CNOT1: variants seen among roughly 807,000 people sequenced by gnomAD.
The protein encoded by CNOT1 is CCR4-NOT transcription complex subunit 1, also known as CCR4-associated factor 1.
A neutral mutation model predicts 273.8 loss-of-function variants in CNOT1; 15 were observed. That is an observed-to-expected ratio of 0.05 (90% CI 0.04 to 0.08). The LOEUF is 0.08. Among genes scored for constraint, CNOT1 ranks in the 10% least tolerant of loss-of-function variants. The pLI, the probability that CNOT1 is intolerant of heterozygous loss-of-function variation, is 1.00. For synonymous variants in CNOT1, 1,022 were observed against 1,005.5 expected, an observed-to-expected ratio of 1.02 and a Z score of -0.31; for missense variants, 1,644 against 2,912.2, an observed-to-expected ratio of 0.56 and a Z score of 10.02.
Position 58,543,616 on chromosome 16 carries a change from T to C in CNOT1, c.4425A>G (p.Ser1475=). The C allele has an allele frequency of 6.2e-7, 1 of 1,614,208 alleles. No homozygotes were observed. The highest frequency in any genetic ancestry group is 1.7e-5 in the Admixed American group (1 of 60,028). Residue 1475 remains serine, a synonymous_variant, in exon 31 of 49, where the codon TCA becomes TCG. Transcript: ENST00000317147. ...ISTNLKNSFA[S]ALRTASPQQR... Reference sequence around the variant, plus strand: ...GAAATAGCCAACTTACACGAAGGGCTGAGGCAAAACTGTTTTTTAAGTTGG... The same window carrying C: ...GAAATAGCCAACTTACACGAAGGGCCGAGGCAAAACTGTTTTTTAAGTTGG...
chr16:58,554,345 C>T (rs748399941), intron 21 of CNOT1, among the ~76,000 whole-genome samples: 1 of 152,108 alleles, frequency 6.6e-6, no homozygotes, highest in Non-Finnish European at 1.5e-5. Context: ...GGACTAACTA[C>T]AAAGGGGAAC....
In CNOT1 at chr16:58,596,203, A is replaced by G. The variant is rs189261420; in HGVS notation, c.102+3033T>C. Among the ~76,000 whole-genome samples the G allele has an allele frequency of 3.5e-4, 54 of 152,312 alleles. No individual in the cohort carries two copies. The East Asian group carries it at 8.9e-3, about 25-fold the overall frequency. The stretch of plus-strand genomic sequence containing the variant: ...GCTGAAGGAGCAATCTAGCAGTGCC[A>G]TCAGACCCCTGCACACTACAGAGCA... On this transcript the variant is annotated intron_variant, in intron 2 of 48. Transcript: ENST00000317147.
chr16:58,534,398 A>G lies in CNOT1; in HGVS notation c.5647-3T>C. 1 of 1,611,886 alleles carries G rather than the reference A, an allele frequency of 6.2e-7. No homozygotes were observed. Among genetic ancestry groups the G allele is most frequent in the Admixed American group, 1.7e-5 (1 of 59,968 alleles). On this transcript the variant is annotated splice_polypyrimidine_tract_variant and splice_region_variant and intron_variant, in intron 39 of 48. Coordinates refer to ENST00000317147, the MANE Select transcript of CNOT1 (RefSeq NM_016284.5). ...TTCAGTATTCCTTGCTGGTGCATCT[A>G]CAACAGGAACAAAAAATAAAGACAC...
intron 1 of CNOT1, among the ~76,000 whole-genome samples, chr16:58,620,892 A>T (rs1303543644): frequency 6.6e-6 from 1 of 152,188 alleles, no homozygotes; most frequent in Non-Finnish European, 1.5e-5. Flanking sequence ...AATCTTTTAC[A>T]ATCACAATAT....
At position 58,530,108 on chromosome 16, in the gene CNOT1, A is replaced by G. The variant is rs1310195876; in HGVS notation, c.6279+138T>C. ...CAATTTGGGTGCTAGTTATGCAAGT[A>G]CACTTGATTTTTACACTTTTCTGAA... On this transcript the variant is annotated intron_variant, in intron 43 of 48. Transcript: ENST00000317147. The G allele has an allele frequency of 5.0e-6, 3 of 601,998 alleles. No homozygotes were observed. In the East Asian group the frequency reaches 8.4e-5, roughly 17 times the overall value. The allele number at this position is 601,998 out of a possible 1,614,324, so 37.3% of individuals were successfully genotyped here. A position where few individuals can be genotyped will look rare whatever the true frequency, so the allele number is the denominator to read the frequency against.
chr16:58,524,869 AAAC>A (rs2039532699), intron 46 of CNOT1, among the ~76,000 whole-genome samples: 4 of 152,336 alleles, frequency 2.6e-5, no homozygotes, highest in South Asian at 4.1e-4. Flanking sequence ...CAGCCTAACA[AAAC>A]AATGTAACAA....
chr16:58,535,265 T>C (rs2151908497), intron 39 of CNOT1, among the ~76,000 whole-genome samples: 1 of 152,236 alleles, frequency 6.6e-6, no homozygotes, highest in East Asian at 1.9e-4. Flanking sequence ...ACAACTGAAC[T>C]GGTTGGACTA....
At chr16:58,529,715 C>CCTG (rs2039711297) in intron 43 of CNOT1, among the ~76,000 whole-genome samples, 1 of 151,870 alleles carries the variant, frequency 6.6e-6, no homozygotes, top group Non-Finnish European at 1.5e-5. Context: ...GTGGCACATG[C>CCTG]CTGTAGTCTC....
intron 1 of CNOT1, among the ~76,000 whole-genome samples, chr16:58,604,802 A>C (rs1159209167): frequency 5.2e-5 from 7 of 134,290 alleles, no homozygotes; most frequent in East Asian, 2.1e-4. Context: ...CGTCTAAAAA[A>C]AAAAAACAAA....
chr16:58,585,408 C>A lies in CNOT1; in HGVS notation c.736G>T (p.Val246Leu), dbSNP rs146540913. 6.9e-5 allele frequency: 111 copies of A among 1,613,870 alleles called. No individual in the cohort carries two copies. The East Asian group carries it at 2.0e-3, about 29-fold the overall frequency. Residue 246 changes from valine (V) to leucine (L), a missense_variant, in exon 8 of 49, where the codon GTA becomes TTA. Physicochemically the swap from Val to Leu is conservative, Grantham distance 32. Coordinates refer to ENST00000317147, the MANE Select transcript of CNOT1 (RefSeq NM_016284.5). ...GAGCTCTCCATCATGGTTTTAGCTA[C>A]CCCTCCGGAATCAGGCAGGATCCTG... ...MDRILPDSGG[V>L]AKTMMESSLA...
intron 22 of CNOT1, among the ~76,000 whole-genome samples, chr16:58,552,055 C>T (rs2040467583): frequency 6.6e-6 from 1 of 152,052 alleles, no homozygotes; most frequent in Non-Finnish European, 1.5e-5. Flanking sequence ...GAAGCAGCCC[C>T]AGATACCTGC....
rs760612638 is a variant in CNOT1, at chr16:58,528,523, G to A, written c.6405C>T (p.Ala2135=). The change falls in exon 44 of 49, where the codon GCC becomes GCT. Residue 2135 remains alanine (A), a synonymous_variant. Transcript: ENST00000317147. Reference sequence around the variant, plus strand: ...CGGGGAGCCTCATGTTTCTTGGAAAGGCACTCAGGATCAAATTTCTTAACT... The same window carrying A: ...CGGGGAGCCTCATGTTTCTTGGAAAAGCACTCAGGATCAAATTTCTTAACT... The part of the protein sequence containing the change: ...CIQLRNLILS[A]FPRNMRLPDP... The A allele has an allele frequency of 9.3e-6, 15 of 1,613,608 alleles. No homozygotes were observed. The highest frequency in any genetic ancestry group is 3.3e-5 in the Admixed American group (2 of 59,988).
At chr16:58,590,862 A>G (rs2042028507) in intron 2 of CNOT1, among the ~76,000 whole-genome samples, 2 of 152,246 alleles carry the variant, frequency 1.3e-5, no homozygotes, top group Non-Finnish European at 2.9e-5. Context: ...TTCAACCTAC[A>G]CTTGCTGAGT....
intron 2 of CNOT1, chr16:58,597,661 G>A: frequency 6.2e-6 from 3 of 482,160 alleles, no homozygotes; most frequent in South Asian, 4.7e-5. Flanking sequence ...AGGAAAGTCT[G>A]CAGGAACCAT....
Position 58,534,564 on chromosome 16 carries a change from C to T in CNOT1, c.5647-169G>A, listed in dbSNP as rs545218246. On this transcript the variant is annotated intron_variant, in intron 39 of 48. Coordinates refer to ENST00000317147, the MANE Select transcript of CNOT1 (RefSeq NM_016284.5). ...TCAGAATTATTTTCCCATTAAGGTG[C>T]CATGACAGAATTCCTCCAGTTTTAA... Among the ~76,000 whole-genome samples, 3 of 152,214 alleles carry T rather than the reference C, an allele frequency of 2.0e-5. No individual in the cohort carries two copies. In the East Asian group the frequency reaches 5.8e-4, roughly 29 times the overall value.
At chr16:58,608,361 C>A (rs2042763107) in intron 1 of CNOT1, among the ~76,000 whole-genome samples, 1 of 151,730 alleles carries the variant, frequency 6.6e-6, no homozygotes, top group Admixed American at 6.6e-5. Context: ...TCGAGACACC[C>A]TGGCCAACAT....
At chr16:58,548,140 T>C (rs971119244) in intron 25 of CNOT1, among the ~76,000 whole-genome samples, 1 of 152,194 alleles carries the variant, frequency 6.6e-6, no homozygotes, top group African/African-American at 2.4e-5. Context: ...TAGCCTCCTA[T>C]TGCAATCTTC....
chr16:58,588,066 A>G (rs1597526081), intron 3 of CNOT1, among the ~76,000 whole-genome samples, 188 bp from the exon 4 acceptor site: 1 of 152,218 alleles, frequency 6.6e-6, no homozygotes, highest in Non-Finnish European at 1.5e-5. Context: ...TGAGAGGCCA[A>G]TGCAGGTGGA....
At position 58,556,767 on chromosome 16, in the gene CNOT1, C is replaced by A. The variant is rs925940755; in HGVS notation, c.2479+80G>T. The A allele has an allele frequency of 3.9e-6, 6 of 1,543,676 alleles. No homozygotes were observed. In the South Asian group the frequency reaches 7.6e-5, roughly 20 times the overall value. On this transcript the variant is annotated intron_variant, in intron 19 of 48. Transcript: ENST00000317147. ...GTCTAGGAGGCACATCAACACATGGCCCTACTAACACAAATGAGACATACA... is the reference window on the plus strand; with the variant it reads ...GTCTAGGAGGCACATCAACACATGGACCTACTAACACAAATGAGACATACA...
Sources: gnomAD v4.1 joint callset for allele counts (sites outside exome capture counted in the v4.1 genomes callset) on GRCh38, gnomAD v4.1.1 for gene constraint, MANE v1.5 for transcripts, NCBI Gene and HGNC (gene_info 2026-07-23, HGNC 2026-07-21) for gene names.